Variants in MON2 observed in about 807,000 individuals in gnomAD.
MON2 encodes MON2 regulator of endosome-to-Golgi trafficking.
MON2 carries 84 observed loss-of-function variants against 208.6 expected under a neutral mutation model. The ratio of observed to expected loss-of-function variants is 0.40; its 90% CI spans 0.34 to 0.48. The LOEUF is 0.48. Among genes scored for constraint, MON2 ranks in the 20% least tolerant of loss-of-function variants. MON2 has a pLI of 0.59. For synonymous variants in MON2, 660 were observed against 694.0 expected (o/e 0.95, Z 0.77); for missense variants, 1,611 against 2,015.4 (o/e 0.80, Z 3.84).
At chr12:62,550,459 C>T (rs1029972156) in intron 23 of MON2, among the ~76,000 whole-genome samples, 2 of 152,242 alleles carry the variant, frequency 1.3e-5, no homozygotes, top group Admixed American at 1.3e-4. Flanking sequence ...GAATTGGAGG[C>T]TGCAGTGAGC....
rs1334210140 is a variant in MON2, at chr12:62,508,289, C to A, written c.793C>A (p.Gln265Lys). The change falls in exon 8 of 35, where the codon CAA becomes AAA. Residue 265 changes from glutamine (Q) to lysine (K), a missense_variant. Transcript: ENST00000393630. ...TTTCTTTTTTCCTTGCAAATAGCAC[C>A]AAGAATTTAGTTTCCTCCTCAAAGA... is the stretch of plus-strand genomic sequence containing the variant. ...NDFPQVFLQHQEFSFLLKERV... is the reference protein window; with the variant it reads ...NDFPQVFLQHKEFSFLLKERV... 1.2e-6 allele frequency: 2 copies of A among 1,606,574 alleles called. No individual in the cohort carries two copies.
chr12:62,561,861 T>C (rs1454916279), intron 26 of MON2, among the ~76,000 whole-genome samples: 1 of 152,128 alleles, frequency 6.6e-6, no homozygotes, highest in Non-Finnish European at 1.5e-5. Flanking sequence ...ATTTGTGTAG[T>C]GTAAATTAGA....
chr12:62,530,432 C>T (rs1190097944), intron 11 of MON2, among the ~76,000 whole-genome samples: 5 of 151,834 alleles, frequency 3.3e-5, no homozygotes, highest in East Asian at 1.9e-4. Flanking sequence ...AGGGTTTCAC[C>T]GTGTTAGCCA....
intron 1 of MON2, among the ~76,000 whole-genome samples, chr12:62,476,730 C>G (rs10877855): frequency 0.11 from 17,382 of 152,240 alleles, 1,273 homozygotes; most frequent in Middle Eastern, 0.25. Flanking sequence ...AGCCACCATG[C>G]CCAGCCTCAC....
At chr12:62,582,598 G>C (rs2075041626) in intron 32 of MON2, among the ~76,000 whole-genome samples, 1 of 152,082 alleles carries the variant, frequency 6.6e-6, no homozygotes, top group South Asian at 2.1e-4. Flanking sequence ...AGACAGCATT[G>C]ACATGGTTAA....
In MON2 at chr12:62,566,401, C is replaced by T. The variant is rs757413896; in HGVS notation, c.4274C>T (p.Ala1425Val). ...EVVVDLYQKT[A>V]CHKAVVNEKV... ...GTTGTGGATTTATACCAAAAAACAG[C>T]GTGTCACAAAGCAGTGGTGAATGAG... The change falls in exon 29 of 35, where the codon GCG becomes GTG. Residue 1425 changes from alanine to valine, a missense_variant. Transcript: ENST00000393630. 9 of 1,613,302 alleles carry T rather than the reference C, an allele frequency of 5.6e-6. No homozygotes were observed. The highest frequency in any genetic ancestry group is 3.3e-5 in the South Asian group (3 of 91,038).
chr12:62,513,858 G>A (rs2071546012), intron 8 of MON2, among the ~76,000 whole-genome samples: 1 of 146,176 alleles, frequency 6.8e-6, no homozygotes, highest in Non-Finnish European at 1.5e-5. Context: ...GCTGAGGCAG[G>A]AGAATGGCAT....
intron 8 of MON2, among the ~76,000 whole-genome samples, chr12:62,517,606 C>T (rs979093460): frequency 1.3e-5 from 2 of 152,158 alleles, no homozygotes; most frequent in Non-Finnish European, 2.9e-5. Context: ...TCTTGCCCTC[C>T]ACCATGTGAA....
chr12:62,584,705 CAAAAAAA>C (rs1226172058), intron 32 of MON2, among the ~76,000 whole-genome samples: 7 of 71,376 alleles, frequency 9.8e-5, no homozygotes, highest in African/African-American at 4.5e-4. Flanking sequence ...TCTGTCTCAA[CAAAAAAA>C]AAAAAAAAAA....
chr12:62,473,203 G>A lies in MON2; in HGVS notation c.111+5885G>A, dbSNP rs144999973. Among the ~76,000 whole-genome samples the A allele has an allele frequency of 1.8e-3, 273 of 152,270 alleles. 1 individual carries two copies. The highest frequency in any genetic ancestry group is 6.3e-3 in the African/African-American group (262 of 41,556). On this transcript the variant is annotated intron_variant, in intron 1 of 34. Coordinates refer to ENST00000393630, the MANE Select transcript of MON2 (RefSeq NM_015026.3). Reference sequence around the variant, plus strand: ...AAAATGTTGCCTTCCCACTAGGCTTGGAACTTTGCATCCTTAGACTCTAAT... The same window carrying A: ...AAAATGTTGCCTTCCCACTAGGCTTAGAACTTTGCATCCTTAGACTCTAAT...
intron 29 of MON2, among the ~76,000 whole-genome samples, chr12:62,571,124 G>GA (rs2074582424): frequency 6.6e-6 from 1 of 152,092 alleles, no homozygotes. Context: ...TATTTATGAT[G>GA]AAAAACTGAG....
intron 34 of MON2, among the ~76,000 whole-genome samples, chr12:62,592,309 C>A (rs1203914650): frequency 6.6e-6 from 1 of 152,150 alleles, no homozygotes; most frequent in Non-Finnish European, 1.5e-5. Flanking sequence ...GCTTTGTTAG[C>A]TTTCAGAGCC....
Position 62,578,451 on chromosome 12 carries a change from T to A in MON2, c.4521T>A (p.Pro1507=). The change falls in exon 31 of 35, where the codon CCT becomes CCA. Residue 1507 remains proline (P), a synonymous_variant. Coordinates refer to ENST00000393630, the MANE Select transcript of MON2 (RefSeq NM_015026.3). ...AAGTGTTTTTTTTTTTTAGCATACCTCCAGATAATCTCTCTATTCAAGAGT... is the reference window on the plus strand; with the variant it reads ...AAGTGTTTTTTTTTTTTAGCATACCACCAGATAATCTCTCTATTCAAGAGT... ...FEDFLFTKSI[P]PDNLSIQEFQ... 1.4e-6 allele frequency: 2 copies of A among 1,413,208 alleles called. No homozygotes were observed. Among genetic ancestry groups the A allele is most frequent in the Non-Finnish European group, 1.9e-6 (2 of 1,027,024 alleles). 87.5% of individuals were successfully genotyped at this position (1,413,208 alleles called of 1,614,324 possible).
chr12:62,486,785 T>A (rs1347909142), intron 2 of MON2, among the ~76,000 whole-genome samples: 3 of 152,154 alleles, frequency 2.0e-5, no homozygotes, highest in African/African-American at 7.2e-5. Flanking sequence ...ACTTTTGTGC[T>A]CTAATGTATG....
chr12:62,519,352 C>T (rs148465477), intron 8 of MON2, among the ~76,000 whole-genome samples: 156 of 152,162 alleles, frequency 1.0e-3, no homozygotes, highest in African/African-American at 3.7e-3. Context: ...GAGGGAGTGA[C>T]ACTTGGGGAT....
intron 3 of MON2, among the ~76,000 whole-genome samples, chr12:62,494,792 T>C (rs553439683): frequency 6.6e-6 from 1 of 152,320 alleles, no homozygotes; most frequent in East Asian, 1.9e-4. Flanking sequence ...CTGCTATTTG[T>C]ATATATTCAA....
At chr12:62,515,156 A>G (rs1259928806) in intron 8 of MON2, among the ~76,000 whole-genome samples, 1 of 152,258 alleles carries the variant, frequency 6.6e-6, no homozygotes, top group African/African-American at 2.4e-5. Flanking sequence ...AAAAGAATTG[A>G]AAGTGTGATT....
At chr12:62,538,664 G>T (rs2073093716) in intron 19 of MON2, among the ~76,000 whole-genome samples, 159 bp downstream of exon 19, 1 of 152,080 alleles carries the variant, frequency 6.6e-6, no homozygotes, top group Non-Finnish European at 1.5e-5. Flanking sequence ...TGTCGAAGGA[G>T]TAAAAAGGAC....
At chr12:62,527,209 T>C (rs1034857110) in intron 11 of MON2, among the ~76,000 whole-genome samples, 2 of 152,108 alleles carry the variant, frequency 1.3e-5, no homozygotes, top group Admixed American at 6.6e-5. Flanking sequence ...AGAATCACTT[T>C]AGTTCAGGAG....
Sources: allele counts gnomAD v4.1 joint callset (sites outside exome capture counted in the v4.1 genomes callset), GRCh38; gene constraint gnomAD v4.1.1; transcripts MANE v1.5; gene names NCBI Gene and HGNC (gene_info 2026-07-23, HGNC 2026-07-21).